PARD3: variants seen among roughly 807,000 people sequenced by gnomAD.
The protein encoded by PARD3 is partitioning defective 3 homolog.
PARD3 carries 75 observed loss-of-function variants against 155.4 expected under a neutral mutation model. That is an observed-to-expected ratio of 0.48 (90% CI 0.40 to 0.58). PARD3 has a LOEUF of 0.58. PARD3 is among the 20% of genes least tolerant of loss of function. PARD3 has a pLI of 0.00. For missense variants in PARD3, 1,642 were observed against 1,721.7 expected (o/e 0.95, Z 0.82); for synonymous variants, 576 against 610.5 (o/e 0.94, Z 0.83).
In PARD3 at chr10:34,498,363, AC is replaced by A. The variant is rs199635290; in HGVS notation, c.403+18615del. Among the ~76,000 whole-genome samples the A allele has an allele frequency of 8.1e-4, 124 of 152,334 alleles. 2 individuals carry two copies. The East Asian group carries it at 0.024, about 29-fold the overall frequency. ...TCTAGAAAATAATCCACGGAATATA[AC>A]ATTTCATTTATTTAAGACATATTAG... On this transcript the variant is annotated intron_variant, in intron 3 of 24. Coordinates refer to ENST00000374788, the MANE Select transcript of PARD3 (RefSeq NM_001184785.2).
At chr10:34,533,354 T>C (rs1358667087) in intron 2 of PARD3, among the ~76,000 whole-genome samples, 2 of 152,042 alleles carry the variant, frequency 1.3e-5, no homozygotes, top group Non-Finnish European at 2.9e-5. Context: ...TGCGGGATCA[T>C]CCATACCCCA....
chr10:34,790,033 G>C (rs1235194142), intron 1 of PARD3, among the ~76,000 whole-genome samples: 1 of 152,154 alleles, frequency 6.6e-6, no homozygotes, highest in Non-Finnish European at 1.5e-5. Context: ...CAGACCGTTT[G>C]AATCATGGGA....
chr10:34,468,654 G>A (rs1306032255), intron 4 of PARD3, among the ~76,000 whole-genome samples: 3 of 151,898 alleles, frequency 2.0e-5, no homozygotes, highest in Admixed American at 6.6e-5. Context: ...AGTATTTCAG[G>A]AGACTAAGCC....
chr10:34,116,305 C>T (rs956469092), intron 24 of PARD3, among the ~76,000 whole-genome samples: 2 of 152,214 alleles, frequency 1.3e-5, no homozygotes, highest in African/African-American at 4.8e-5. Flanking sequence ...TTTTATTTTA[C>T]GCTCCACTTT....
At chr10:34,196,810 TG>T (rs1320728083) in intron 22 of PARD3, among the ~76,000 whole-genome samples, 2 of 152,082 alleles carry the variant, frequency 1.3e-5, no homozygotes, top group Non-Finnish European at 2.9e-5. Flanking sequence ...CCTGACCTCA[TG>T]ATCCGCCCAC....
chr10:34,746,641 T>C (rs2133920136), intron 1 of PARD3, among the ~76,000 whole-genome samples: 1 of 150,202 alleles, frequency 6.7e-6, no homozygotes, highest in African/African-American at 2.5e-5. Flanking sequence ...TCAACTTCAC[T>C]GATTTCACTA....
chr10:34,260,354 CAG>C (rs1954892335), intron 22 of PARD3, among the ~76,000 whole-genome samples: 4 of 152,172 alleles, frequency 2.6e-5, no homozygotes, highest in Admixed American at 6.5e-5. Flanking sequence ...AGGCTGAAGA[CAG>C]GGGCTCAGAG....
chr10:34,463,132 A>G (rs1448020627), intron 4 of PARD3, among the ~76,000 whole-genome samples: 2 of 107,154 alleles, frequency 1.9e-5, no homozygotes, highest in African/African-American at 7.2e-5. Flanking sequence ...GGAAAGGAAA[A>G]GGGAAAGAGA....
At chr10:34,727,405 A>G (rs2094734036) in intron 1 of PARD3, among the ~76,000 whole-genome samples, 1 of 152,200 alleles carries the variant, frequency 6.6e-6, no homozygotes. Flanking sequence ...AATGTGTTCT[A>G]GCCTTCTCCC....
chr10:34,710,568 G>C (rs2133623106), intron 1 of PARD3, among the ~76,000 whole-genome samples: 1 of 152,140 alleles, frequency 6.6e-6, no homozygotes, highest in Non-Finnish European at 1.5e-5. Flanking sequence ...TGTAATATGA[G>C]TCATTTCCAA....
chr10:34,738,802 AC>A (rs1380090669), intron 1 of PARD3, among the ~76,000 whole-genome samples: 3 of 152,186 alleles, frequency 2.0e-5, no homozygotes, highest in African/African-American at 7.2e-5. Flanking sequence ...ACAGAGTAAG[AC>A]CCTGTCTCAA....
intron 1 of PARD3, among the ~76,000 whole-genome samples, chr10:34,747,871 C>T (rs1835498200): frequency 6.6e-6 from 1 of 152,246 alleles, no homozygotes; most frequent in Admixed American, 6.5e-5. Flanking sequence ...TCTCTCCCTG[C>T]CTTTCTTTGC....
intron 1 of PARD3, among the ~76,000 whole-genome samples, chr10:34,793,960 G>C (rs915951337): frequency 4.6e-5 from 7 of 152,162 alleles, no homozygotes; most frequent in African/African-American, 1.7e-4. Context: ...ATGTATTTAA[G>C]TAATACCACA....
At chr10:34,518,206 T>A (rs7083117) in intron 2 of PARD3, among the ~76,000 whole-genome samples, 37,572 of 152,148 alleles carry the variant, frequency 0.25, 5,593 homozygotes, top group Non-Finnish European at 0.34. Context: ...AAGTACATAG[T>A]TAAGTAAATA....
chr10:34,688,661 A>G (rs1255386850), intron 2 of PARD3, among the ~76,000 whole-genome samples: 2 of 152,206 alleles, frequency 1.3e-5, no homozygotes, highest in Admixed American at 6.5e-5. Context: ...CCAGGGTAAT[A>G]TAATAGTACC....
At chr10:34,615,732 G>C (rs1052068761) in intron 2 of PARD3, among the ~76,000 whole-genome samples, 2 of 152,074 alleles carry the variant, frequency 1.3e-5, no homozygotes, top group Non-Finnish European at 2.9e-5. Context: ...CGATATATAA[G>C]AAACGCAACA....
At chr10:34,612,894 A>G (rs2091013010) in intron 2 of PARD3, among the ~76,000 whole-genome samples, 1 of 152,250 alleles carries the variant, frequency 6.6e-6, no homozygotes, top group Non-Finnish European at 1.5e-5. Context: ...TAAGTTGAAC[A>G]GCCAATCAAA....
intron 2 of PARD3, among the ~76,000 whole-genome samples, chr10:34,568,241 C>T (rs942945602): frequency 1.3e-5 from 2 of 152,096 alleles, no homozygotes; most frequent in Non-Finnish European, 2.9e-5. Context: ...CGAAATTTAC[C>T]CTGCTAAAGT....
At chr10:34,416,658 A>C (rs184145209) in intron 5 of PARD3, among the ~76,000 whole-genome samples, 3 of 152,314 alleles carry the variant, frequency 2.0e-5, no homozygotes, top group Admixed American at 6.5e-5. Flanking sequence ...AATGAAAATG[A>C]AAACCTAGCC....
Sources: gnomAD v4.1 joint callset for allele counts (sites outside exome capture counted in the v4.1 genomes callset) on GRCh38, gnomAD v4.1.1 for gene constraint, MANE v1.5 for transcripts, NCBI Gene and HGNC (gene_info 2026-07-23, HGNC 2026-07-21) for gene names.